The following CNTNAP3 variants were observed in gnomAD, a reference collection of about 807,000 sequenced individuals.
CNTNAP3 encodes contactin associated protein family member 3, also known as contactin-associated protein-like 3.
A neutral mutation model predicts 92.1 loss-of-function variants in CNTNAP3; 36 were observed. That is an observed-to-expected ratio of 0.39 (90% confidence interval 0.30 to 0.52). The LOEUF is 0.52. CNTNAP3 is among the 20% of genes least tolerant of loss of function. The pLI is 0.76. For synonymous variants in CNTNAP3, 232 were observed against 422.3 expected (o/e 0.55, Z 5.53); for missense variants, 534 against 1,069.6 (o/e 0.50, Z 6.98).
intron 13 of CNTNAP3, among the ~76,000 whole-genome samples, chr9:39,132,175 G>C (rs1319107795): frequency 1.3e-5 from 2 of 152,038 alleles, no homozygotes; most frequent in African/African-American, 4.8e-5. Flanking sequence ...AAAAAGAAAG[G>C]CAAATTTCAG....
At chr9:39,120,940 G>T (rs186755337) in intron 13 of CNTNAP3, among the ~76,000 whole-genome samples, 2 of 152,182 alleles carry the variant, frequency 1.3e-5, no homozygotes, top group East Asian at 3.9e-4. Flanking sequence ...ATGATATTTA[G>T]AAGTGGGGAA....
At chr9:39,086,219 G>T in intron 20 of CNTNAP3, 1 of 258,512 alleles carries the variant, frequency 3.9e-6, no homozygotes, top group Non-Finnish European at 7.3e-6. Context: ...TTCCAATGCC[G>T]ATGACAATGT....
At chr9:39,103,303 T>C (rs191340472) in intron 16 of CNTNAP3, among the ~76,000 whole-genome samples, 4,689 of 152,194 alleles carry the variant, frequency 0.031, 93 homozygotes, top group African/African-American at 0.1. Flanking sequence ...GATTACTGGC[T>C]GGGTGTGGCA....
At chr9:39,095,204 AATTT>A (rs1242559458) in intron 18 of CNTNAP3, among the ~76,000 whole-genome samples, 5 of 151,632 alleles carry the variant, frequency 3.3e-5, no homozygotes, top group Non-Finnish European at 7.4e-5. Context: ...AACTTCGCTG[AATTT>A]ATTTATTTTC....
chr9:39,099,931 T>C lies in CNTNAP3; in HGVS notation c.2975A>G (p.Asp992Gly). 1.2e-6 allele frequency: 2 copies of C among 1,611,320 alleles called. No individual in the cohort carries two copies. The change falls in exon 18 of 24, where the codon GAT (aspartate) becomes GGT (glycine). Residue 992 changes from aspartate (D) to glycine (G), a missense_variant. By Grantham distance (94) the Asp-to-Gly change is moderately conservative. Coordinates refer to ENST00000297668, the MANE Select transcript of CNTNAP3 (RefSeq NM_033655.5). ...VTCDCAFSAY[D>G]GPFCSNEISA... ...CTTACCATTGGAGCAGAACGGCCCA[T>C]CATAGGCTGAGAAGGCACAGTCACA...
At chr9:39,100,276 C>T (rs959823690) in intron 17 of CNTNAP3, 126 bp from the exon 18 acceptor site, 2 of 1,565,344 alleles carry the variant, frequency 1.3e-6, no homozygotes, top group African/African-American at 2.7e-5. Context: ...ATTTTGTGAA[C>T]ATACACAATT....
At position 39,132,918 on chromosome 9, in the gene CNTNAP3, G is replaced by T. The variant is rs1363101707; in HGVS notation, c.2080+14C>A. The T allele has an allele frequency of 1.9e-6, 3 of 1,540,560 alleles. No homozygotes were observed. The highest frequency in any genetic ancestry group is 2.8e-5 in the African/African-American group (2 of 71,840). Reference sequence around the variant, plus strand: ...GCCCCGTGAACCCCTGTAGCCTCCAGGAGTGGCGCTTACCTCGTGAGTCCG... The same window carrying T: ...GCCCCGTGAACCCCTGTAGCCTCCATGAGTGGCGCTTACCTCGTGAGTCCG... On this transcript the variant is annotated intron_variant, in intron 13 of 23. Transcript: ENST00000297668.
rs1417797587 is a variant in CNTNAP3, at chr9:39,071,388, T to C, written c.*2502A>G. 7.3e-4 allele frequency among the ~76,000 whole-genome samples: 111 copies of C among 151,626 alleles called. No homozygotes were observed. Among genetic ancestry groups the C allele is most frequent in the African/African-American group, 2.7e-3 (111 of 41,262 alleles). ...GACAAAAATATTGAGATAATACCAC[T>C]CACCAGTGTCACTATTTTACAGAGA... On this transcript the variant is annotated 3_prime_UTR_variant, in exon 24 of 24. Transcript: ENST00000297668.
chr9:39,119,321 T>G (rs544371726), intron 13 of CNTNAP3, among the ~76,000 whole-genome samples: 2 of 140,088 alleles, frequency 1.4e-5, no homozygotes, highest in East Asian at 4.1e-4. Flanking sequence ...CTGCATTCAT[T>G]ACCACCACCA....
In CNTNAP3 at chr9:39,068,826, T is replaced by C. The variant is rs1825571966; in HGVS notation, c.*5064A>G. On this transcript the variant is annotated 3_prime_UTR_variant, in exon 24 of 24. Coordinates refer to ENST00000297668, the MANE Select transcript of CNTNAP3 (RefSeq NM_033655.5). ...GCTGGGATACTCACAGCACACATCT[T>C]ATGTTTCCTGTCTTTCAGGGATTAC... 6.6e-6 allele frequency among the ~76,000 whole-genome samples: 1 copy of C among 152,310 alleles called. No individual in the cohort carries two copies. The highest frequency in any genetic ancestry group is 1.5e-5 in the Non-Finnish European group (1 of 68,056).
At chr9:39,090,077 C>T (rs981501501) in intron 18 of CNTNAP3, among the ~76,000 whole-genome samples, 23 of 151,776 alleles carry the variant, frequency 1.5e-4, no homozygotes, top group Admixed American at 7.9e-4. Context: ...GTAGCTGGGA[C>T]TACAGGCGCC....
At chr9:39,076,022 GCCTCTGGGAAAGC>G (rs1825752612) in intron 23 of CNTNAP3, among the ~76,000 whole-genome samples, 1 of 152,302 alleles carries the variant, frequency 6.6e-6, no homozygotes, top group African/African-American at 2.4e-5. Flanking sequence ...AATGCAAACT[GCCTCTGGGAAAGC>G]CCAGGGGAAG....
At chr9:39,074,807 C>T (rs1825711038) in intron 23 of CNTNAP3, among the ~76,000 whole-genome samples, 1 of 152,174 alleles carries the variant, frequency 6.6e-6, no homozygotes, top group African/African-American at 2.4e-5. Context: ...CTTGCTCTGT[C>T]GCCCAGTCTG....
At position 39,068,311 on chromosome 9, in the gene CNTNAP3, G is replaced by T; in HGVS notation, c.*5579C>A. On this transcript the variant is annotated 3_prime_UTR_variant, in exon 24 of 24. Coordinates refer to ENST00000297668, the MANE Select transcript of CNTNAP3 (RefSeq NM_033655.5). ...TGTGCCTGTAGTCCCAGCTACTCGG[G>T]AGGCTGAGGCAGGAGAATGGCATGA... Among the ~76,000 whole-genome samples, 1 of 152,292 alleles carries T rather than the reference G, an allele frequency of 6.6e-6. No homozygotes were observed. The highest frequency in any genetic ancestry group is 2.4e-5 in the African/African-American group (1 of 41,480).
intron 3 of CNTNAP3, among the ~76,000 whole-genome samples, chr9:39,226,928 A>ATG (rs1442181435): frequency 1.8e-4 from 1 of 5,466 alleles, no homozygotes; most frequent in African/African-American, 2.0e-4. Flanking sequence ...CATGGTGTGT[A>ATG]TGTATATGTG....
Position 39,149,913 on chromosome 9 carries a change from T to TA in CNTNAP3, c.1541dup (p.Arg515LysfsTer7). The TA allele has an allele frequency of 2.5e-6, 4 of 1,611,318 alleles. No homozygotes were observed. Among genetic ancestry groups the TA allele is most frequent in the Non-Finnish European group, 3.4e-6 (4 of 1,179,626 alleles). On this transcript the variant is annotated frameshift_variant, in exon 10 of 24. Transcript: ENST00000297668. LOFTEE classifies it high-confidence loss of function. ...CTTTGTCACCAATGGTGATGAGCCT[T>TA]AGGCAGCCCTGAAACCCTCCCAGGG...
intron 13 of CNTNAP3, among the ~76,000 whole-genome samples, chr9:39,119,355 C>CAAAAAAAAAAA (rs35344011): frequency 9.9e-6 from 1 of 101,264 alleles, no homozygotes; most frequent in African/African-American, 3.5e-5. Context: ...GCCCCTCTGC[C>CAAAAAAAAAAA]AAAAAAAAAA....
intron 3 of CNTNAP3, among the ~76,000 whole-genome samples, chr9:39,213,882 A>G (rs1822628991): frequency 6.3e-5 from 1 of 15,984 alleles, no homozygotes; most frequent in African/African-American, 8.8e-5. Context: ...ACTTCCTTAC[A>G]ATAAATAGAA....
rs1359267017 is a variant in CNTNAP3, at chr9:39,066,659, G to A, written c.*7231C>T. ...TAGGAGAGAGAGTTTTCTGCTTTTGGTTGGAAGATGTTTCACTGGAAGCAT... is the reference window on the plus strand; with the variant it reads ...TAGGAGAGAGAGTTTTCTGCTTTTGATTGGAAGATGTTTCACTGGAAGCAT... On this transcript the variant is annotated 3_prime_UTR_variant, in exon 24 of 24. Coordinates refer to ENST00000297668, the MANE Select transcript of CNTNAP3 (RefSeq NM_033655.5). 6.6e-6 allele frequency among the ~76,000 whole-genome samples: 1 copy of A among 152,300 alleles called. No homozygotes were observed. The highest frequency in any genetic ancestry group is 2.1e-4 in the South Asian group (1 of 4,838).
Sources: allele counts gnomAD v4.1 joint callset (sites outside exome capture counted in the v4.1 genomes callset), GRCh38; gene constraint gnomAD v4.1.1; transcripts MANE v1.5; gene names NCBI Gene and HGNC (gene_info 2026-07-23, HGNC 2026-07-21).